ARSL: variants seen among roughly 807,000 people sequenced by gnomAD.
ARSL encodes arylsulfatase E (chondrodysplasia punctata 1).
A neutral mutation model predicts 31.1 loss-of-function variants in ARSL; 4 were observed. That is an observed-to-expected ratio of 0.13 (90% CI 0.06 to 0.29). ARSL has a LOEUF of 0.29. Among genes scored for constraint, ARSL ranks in the 10% least tolerant of loss-of-function variants. The probability of loss-of-function intolerance (pLI) is 1.00; values close to 1 mark genes in which losing one functional copy is unlikely to be tolerated. For missense variants in ARSL, 312 were observed against 497.8 expected, an observed-to-expected ratio of 0.63 and a Z score of 3.55; for synonymous variants, 198 against 209.9, an observed-to-expected ratio of 0.94 and a Z score of 0.49.
chrX:2,954,782 A>G (rs1396272297), intron 4 of ARSL, among the ~76,000 whole-genome samples: 2 of 111,783 alleles, frequency 1.8e-5, no homozygotes, highest in Admixed American at 1.9e-4. Context: ...CTGTGTGACT[A>G]TATGGGGAAG....
At chrX:2,943,260 G>C in intron 7 of ARSL, 61 bp from the exon 8 acceptor site, 2 of 1,179,639 alleles carry the variant, frequency 1.7e-6, no homozygotes, top group East Asian at 6.0e-5. Context: ...ATGCAGCTCT[G>C]AAGTGTATGC....
intron 5 of ARSL, among the ~76,000 whole-genome samples, chrX:2,951,614 C>CA (rs1164575386): frequency 0.013 from 382 of 28,827 alleles, 1 homozygote; most frequent in South Asian, 0.039. Flanking sequence ...CCCATCTCTA[C>CA]AAAAAAAAAA....
chrX:2,966,462 G>A (rs1396287268), upstream of ARSL, among the ~76,000 whole-genome samples: 2 of 106,898 alleles, frequency 1.9e-5, no homozygotes, highest in Non-Finnish European at 3.8e-5. Context: ...ATCATACATA[G>A]TATAAATGTA....
chrX:2,964,251 C>T lies in ARSL; in HGVS notation c.-48G>A, dbSNP rs867353516. Reference sequence around the variant, plus strand: ...CTGCTCCTGGGCTCCTTCCTGAATCCCCGATCAAGAAGAGGAAGGTTCTCT... The same window carrying T: ...CTGCTCCTGGGCTCCTTCCTGAATCTCCGATCAAGAAGAGGAAGGTTCTCT... On this transcript the variant is annotated 5_prime_UTR_variant, in exon 1 of 11. Coordinates refer to ENST00000381134, the MANE Select transcript of ARSL (RefSeq NM_000047.3). 1 of 754,065 alleles carries T rather than the reference C, an allele frequency of 1.3e-6. No homozygotes were observed. The highest frequency in any genetic ancestry group is 7.6e-4 in the Middle Eastern group (1 of 1,320). The allele number at this position is 754,065 out of a possible 1,213,427, so 62.1% of individuals were successfully genotyped here.
intron 3 of ARSL, among the ~76,000 whole-genome samples, chrX:2,957,973 G>T (rs1255866845): frequency 1.8e-5 from 2 of 111,056 alleles, no homozygotes; most frequent in African/African-American, 6.6e-5. Context: ...AGTGAGCTGT[G>T]ATTGTACCAG....
At chrX:2,957,075 G>T (rs992134923) in intron 3 of ARSL, among the ~76,000 whole-genome samples, 2 of 107,787 alleles carry the variant, frequency 1.9e-5, no homozygotes, top group African/African-American at 3.4e-5. Flanking sequence ...CAAAAAATTA[G>T]CGGGGTGTGG....
intron 8 of ARSL, among the ~76,000 whole-genome samples, chrX:2,940,260 C>T (rs1257244176): frequency 9.0e-6 from 1 of 111,588 alleles, no homozygotes; most frequent in Non-Finnish European, 1.9e-5. Flanking sequence ...TGAAACATTT[C>T]CACAACACAG....
upstream of ARSL, among the ~76,000 whole-genome samples, chrX:2,966,930 T>G (rs919226331): frequency 4.5e-5 from 5 of 110,953 alleles, no homozygotes; most frequent in African/African-American, 1.6e-4. Context: ...CATGCATGTA[T>G]ATATACATAC....
rs200332753 is a variant in ARSL, at chrX:2,960,404, GTCTC to G, written c.-8_-5del. 3,789 of 1,192,476 alleles carry G rather than the reference GTCTC, an allele frequency of 3.2e-3. 70 individuals are homozygous for G. In the African/African-American group the frequency reaches 0.054, roughly 17 times the overall value. On this transcript the variant is annotated 5_prime_UTR_variant, in exon 2 of 11. Transcript: ENST00000381134. ...AAGAATGGTGCAGATGTAACATGTT[GTCTC>G]TCTCTCTACTTCCTGTAAGACATAA...
Position 2,936,770 on chromosome X carries a change from C to T in ARSL, c.1383G>A (p.Leu461=), listed in dbSNP as rs1245815687. 8.3e-7 allele frequency: 1 copy of T among 1,209,608 alleles called. No individual in the cohort carries two copies. Among genetic ancestry groups the T allele is most frequent in the East Asian group, 3.0e-5 (1 of 33,728 alleles). Residue 461 remains leucine, a synonymous_variant, in exon 10 of 11, where the codon CTG becomes CTA. Coordinates refer to ENST00000381134, the MANE Select transcript of ARSL (RefSeq NM_000047.3). ...CCCGTTGATGCCACCTGGCTGCGTG[C>T]AGAAACCTCTCACAATAATGCATCA... The part of the protein sequence containing the change: ...EFLMHYCERF[L]HAARWHQRDR...
At position 2,934,973 on chromosome X, in the gene ARSL, C is replaced by T. The variant is rs753971115; in HGVS notation, c.1629G>A (p.Gln543=). 5.0e-5 allele frequency: 61 copies of T among 1,209,356 alleles called. No homozygotes were observed. The highest frequency in any genetic ancestry group is 6.4e-5 in the Non-Finnish European group (57 of 895,132). ...VFYQVMERVQ[Q]AVWEHQRTLS... ...GTGTCCGCTGGTGTTCCCACACCGC[C>T]TGCTGGACTCGTTCCATCACCTGAT... Residue 543 remains glutamine, a synonymous_variant, in exon 11 of 11, where the codon CAG becomes CAA. Transcript: ENST00000381134.
At chrX:2,947,226 T>C (rs1348080876) in intron 6 of ARSL, among the ~76,000 whole-genome samples, 1 of 111,352 alleles carries the variant, frequency 9.0e-6, no homozygotes, top group Non-Finnish European at 1.9e-5. Context: ...ACTGATCTAA[T>C]GCATCTTTTC....
Position 2,949,539 on chromosome X carries a change from C to T in ARSL, c.619G>A (p.Val207Ile). The T allele has an allele frequency of 8.3e-7, 1 of 1,211,179 alleles. No homozygotes were observed. Among genetic ancestry groups the T allele is most frequent in the Non-Finnish European group, 1.1e-6 (1 of 895,425 alleles). ...LNFLFQVLALVALTLVAGKLT... is the reference protein window; with the variant it reads ...LNFLFQVLALIALTLVAGKLT... ...TTCCCTGCTACCAGTGTGAGGGCAA[C>T]CAAGGCCAGGACTTGGAAGAGGAAG... Residue 207 changes from valine (V) to isoleucine (I), a missense_variant, in exon 6 of 11, where the codon GTT (valine) becomes ATT (isoleucine). Physicochemically the swap from Val to Ile is conservative, Grantham distance 29. Transcript: ENST00000381134.
chrX:2,963,348 T>A (rs1046106024), intron 1 of ARSL, among the ~76,000 whole-genome samples: 1 of 110,607 alleles, frequency 9.0e-6, no homozygotes, highest in African/African-American at 3.3e-5. Context: ...TGACCTACAA[T>A]GACATGCTGC....
chrX:2,950,842 C>A (rs1055740784), intron 5 of ARSL, among the ~76,000 whole-genome samples: 4 of 111,012 alleles, frequency 3.6e-5, no homozygotes, highest in African/African-American at 1.3e-4. Context: ...GACACAGACA[C>A]ACACATACTC....
chrX:2,944,464 C>CA lies in ARSL; in HGVS notation c.992-1266dup, dbSNP rs1301560878. On this transcript the variant is annotated intron_variant, in intron 7 of 10. Transcript: ENST00000381134. ...GTGAGACTCGGTCTCAAAAAAAAAACAAAAAAAACAAAAAAAAAAAAACAA... is the reference window on the plus strand; with the variant it reads ...GTGAGACTCGGTCTCAAAAAAAAAACAAAAAAAAACAAAAAAAAAAAAACAA... Among the ~76,000 whole-genome samples the CA allele has an allele frequency of 5.1e-3, 231 of 45,421 alleles. 3 individuals carry two copies. The highest frequency in any genetic ancestry group is 0.011 in the African/African-American group (200 of 17,450). The allele number at this position is 45,421 out of a possible 115,157, so 39.4% of individuals were successfully genotyped here.
chrX:2,938,402 T>G (rs867213908), intron 8 of ARSL, 145 bp from the exon 9 acceptor site: 3 of 754,246 alleles, frequency 4.0e-6, no homozygotes, highest in Non-Finnish European at 3.8e-6. Flanking sequence ...CTCTCTCTGT[T>G]TTAGTGACAT....
chrX:2,944,384 G>A (rs1182404290), intron 7 of ARSL, among the ~76,000 whole-genome samples: 1 of 106,109 alleles, frequency 9.4e-6, no homozygotes, highest in Non-Finnish European at 1.9e-5. Flanking sequence ...AACCCGGGAG[G>A]CGGAGGTTGC....
chrX:2,959,590 G>A (rs1164207541), intron 2 of ARSL: 7 of 1,143,852 alleles, frequency 6.1e-6, no homozygotes, highest in African/African-American at 1.8e-5. Flanking sequence ...CGATGGTAGC[G>A]GTTGATGCCC....
Sources: gnomAD v4.1 joint callset for allele counts (sites outside exome capture counted in the v4.1 genomes callset) on GRCh38, gnomAD v4.1.1 for gene constraint, MANE v1.5 for transcripts, NCBI Gene and HGNC (gene_info 2026-07-23, HGNC 2026-07-21) for gene names.